Variants in KCNH5 observed in about 807,000 individuals in gnomAD.
KCNH5 encodes the protein potassium voltage-gated channel subfamily H member 5.
A neutral mutation model predicts 96.1 loss-of-function variants in KCNH5; 46 were observed. The ratio of observed to expected loss-of-function variants is 0.48; its 90% CI spans 0.38 to 0.61. The LOEUF (loss-of-function observed/expected upper bound fraction) is 0.61, where lower values mean the gene tolerates loss of function less well. KCNH5 is among the 20% of genes least tolerant of loss of function. The pLI is 0.00. For synonymous variants in KCNH5, 439 were observed against 449.8 expected, an observed-to-expected ratio of 0.98 and a Z score of 0.30; for missense variants, 907 against 1,225.8, an observed-to-expected ratio of 0.74 and a Z score of 3.88.
chr14:63,005,586 T>C (rs1346747289), intron 3 of KCNH5, among the ~76,000 whole-genome samples: 1 of 152,192 alleles, frequency 6.6e-6, no homozygotes, highest in Non-Finnish European at 1.5e-5. Context: ...GAAGTGACTG[T>C]TCATTTCAAA....
intron 8 of KCNH5, among the ~76,000 whole-genome samples, chr14:62,811,469 C>T (rs1003368707): frequency 3.3e-5 from 5 of 152,118 alleles, no homozygotes; most frequent in African/African-American, 9.7e-5. Flanking sequence ...ACTGGCATGT[C>T]CCATCTTCCC....
chr14:62,972,255 T>C (rs1890423050), intron 6 of KCNH5, among the ~76,000 whole-genome samples: 1 of 152,222 alleles, frequency 6.6e-6, no homozygotes, highest in African/African-American at 2.4e-5. Flanking sequence ...ATGCCATTTG[T>C]CAATTGAAAA....
chr14:62,761,307 A>T (rs367810038), intron 10 of KCNH5, among the ~76,000 whole-genome samples: 10 of 151,672 alleles, frequency 6.6e-5, no homozygotes, highest in African/African-American at 2.4e-4. Context: ...ATGAGCCAAG[A>T]TCACGCCACT....
chr14:62,718,441 G>C (rs1884733769), intron 10 of KCNH5, among the ~76,000 whole-genome samples: 1 of 152,064 alleles, frequency 6.6e-6, no homozygotes, highest in South Asian at 2.1e-4. Flanking sequence ...ATCTATAAAT[G>C]GCCAATAGGC....
chr14:62,939,418 G>A (rs1889745611), intron 7 of KCNH5, among the ~76,000 whole-genome samples: 1 of 152,048 alleles, frequency 6.6e-6, no homozygotes, highest in Non-Finnish European at 1.5e-5. Flanking sequence ...CATAGCTCTG[G>A]AAACCAGAAC....
intron 10 of KCNH5, among the ~76,000 whole-genome samples, chr14:62,773,651 T>C (rs1360238056): frequency 6.6e-6 from 1 of 152,224 alleles, no homozygotes; most frequent in African/African-American, 2.4e-5. Flanking sequence ...TCTTATCCTA[T>C]TTAAATAGTC....
intron 7 of KCNH5, among the ~76,000 whole-genome samples, chr14:62,925,525 T>C (rs754752851): frequency 1.3e-5 from 2 of 152,098 alleles, no homozygotes; most frequent in Non-Finnish European, 2.9e-5. Flanking sequence ...AAAATATACT[T>C]ACATATGTTA....
At chr14:63,038,492 C>T (rs940417350) in intron 1 of KCNH5, among the ~76,000 whole-genome samples, 1 of 152,092 alleles carries the variant, frequency 6.6e-6, no homozygotes, top group Non-Finnish European at 1.5e-5. Flanking sequence ...GTAATGGGAC[C>T]AGACCCAAAG....
intron 2 of KCNH5, among the ~76,000 whole-genome samples, chr14:63,013,437 T>C (rs1247541057): frequency 6.6e-6 from 1 of 152,158 alleles, no homozygotes; most frequent in Admixed American, 6.6e-5. Context: ...CTTATAATGA[T>C]AAGCAAAATT....
At chr14:62,957,702 A>C (rs900413552) in intron 6 of KCNH5, among the ~76,000 whole-genome samples, 16 of 152,192 alleles carry the variant, frequency 1.1e-4, no homozygotes, top group African/African-American at 3.6e-4. Flanking sequence ...TGGTCTTGGA[A>C]GCCAGCCCAG....
chr14:62,999,815 T>C (rs1890978492), intron 4 of KCNH5, among the ~76,000 whole-genome samples: 1 of 150,776 alleles, frequency 6.6e-6, no homozygotes, highest in African/African-American at 2.4e-5. Flanking sequence ...TATACATATG[T>C]AACTAACCTG....
intron 1 of KCNH5, among the ~76,000 whole-genome samples, chr14:63,039,348 T>A (rs1891780619): frequency 6.6e-6 from 1 of 152,114 alleles, no homozygotes; most frequent in Non-Finnish European, 1.5e-5. Context: ...TAGCTCTGTA[T>A]TTAATTTTTA....
chr14:62,954,065 G>C (rs1890055238), intron 6 of KCNH5, among the ~76,000 whole-genome samples: 1 of 152,132 alleles, frequency 6.6e-6, no homozygotes, highest in African/African-American at 2.4e-5. Context: ...CTGTTCTCTA[G>C]GCTGCTGCCA....
At chr14:62,975,926 G>A (rs768772798) in intron 6 of KCNH5, among the ~76,000 whole-genome samples, 2 of 151,834 alleles carry the variant, frequency 1.3e-5, no homozygotes, top group Admixed American at 6.6e-5. Flanking sequence ...AGAAATATAC[G>A]GATCAAATAC....
intron 7 of KCNH5, among the ~76,000 whole-genome samples, chr14:62,853,754 A>C (rs1252838974): frequency 6.6e-6 from 1 of 151,678 alleles, no homozygotes; most frequent in African/African-American, 2.4e-5. Flanking sequence ...TCATGCCTGT[A>C]ATCTCAGCAT....
chr14:62,957,230 A>T (rs2140135580), intron 6 of KCNH5, among the ~76,000 whole-genome samples: 1 of 152,336 alleles, frequency 6.6e-6, no homozygotes, highest in African/African-American at 2.4e-5. Flanking sequence ...AGATGTTATC[A>T]GCATAAAATA....
chr14:62,912,648 C>T (rs572762635), intron 7 of KCNH5, among the ~76,000 whole-genome samples: 3 of 152,242 alleles, frequency 2.0e-5, no homozygotes, highest in South Asian at 2.1e-4. Context: ...TCAAGCAATC[C>T]GCCAGCCTCG....
chr14:62,781,059 T>C lies in KCNH5; in HGVS notation c.1823-1135A>G, dbSNP rs548852124. On this transcript the variant is annotated intron_variant, in intron 9 of 10. Transcript: ENST00000322893. ...CGGGGAATCTGCCCCGATATTCACATAGGTTCTTTTCTATTTTCCCCAAGC... is the reference window on the plus strand; with the variant it reads ...CGGGGAATCTGCCCCGATATTCACACAGGTTCTTTTCTATTTTCCCCAAGC... Among the ~76,000 whole-genome samples the C allele has an allele frequency of 2.6e-5, 4 of 151,456 alleles. No individual in the cohort carries two copies. In the South Asian group the frequency reaches 6.3e-4, roughly 24 times the overall value.
chr14:62,782,107 C>A (rs1884509), intron 9 of KCNH5, among the ~76,000 whole-genome samples: 76,881 of 152,040 alleles, frequency 0.51, 19,795 homozygotes, highest in South Asian at 0.78. Context: ...CAGACCTTGT[C>A]TCACCCTTCA....
Sources: allele counts gnomAD v4.1 joint callset (sites outside exome capture counted in the v4.1 genomes callset), GRCh38; gene constraint gnomAD v4.1.1; transcripts MANE v1.5; gene names NCBI Gene and HGNC (gene_info 2026-07-23, HGNC 2026-07-21).